The following UGT1A7 variants were observed in gnomAD, a reference collection of about 807,000 sequenced individuals.
UGT1A7 encodes UDP-glucuronosyltransferase 1A7.
A neutral mutation model predicts 45.6 loss-of-function variants in UGT1A7; 33 were observed. The ratio of observed to expected loss-of-function variants is 0.72; its 90% CI spans 0.55 to 0.97. The LOEUF is 0.97. Among genes scored for constraint, UGT1A7 ranks in the 50% least tolerant of loss-of-function variants. The pLI is 0.00. For synonymous variants in UGT1A7, 274 were observed against 250.6 expected, an observed-to-expected ratio of 1.09 and a Z score of -0.88; for missense variants, 684 against 666.2, an observed-to-expected ratio of 1.03 and a Z score of -0.29.
chr2:233,742,421 C>T (rs114948883), intron 1 of UGT1A7, among the ~76,000 whole-genome samples: 5,160 of 152,060 alleles, frequency 0.034, 167 homozygotes, highest in African/African-American at 0.052. Context: ...ACACCTTAAG[C>T]GGTTTTCCTC....
chr2:233,765,231 A>G (rs1698784494), intron 1 of UGT1A7, among the ~76,000 whole-genome samples: 1 of 152,148 alleles, frequency 6.6e-6, no homozygotes, highest in African/African-American at 2.4e-5. Context: ...ACATAAAACC[A>G]TAGACTCAGT....
At chr2:233,733,369 T>G (rs13410335) in intron 1 of UGT1A7, among the ~76,000 whole-genome samples, 57,553 of 151,946 alleles carry the variant, frequency 0.38, 11,204 homozygotes, top group African/African-American at 0.46. Flanking sequence ...GTGAGAGAGG[T>G]CATCCTTGTT....
At chr2:233,701,926 T>G (rs1413982400) in intron 1 of UGT1A7, among the ~76,000 whole-genome samples, 2 of 151,800 alleles carry the variant, frequency 1.3e-5, no homozygotes, top group African/African-American at 4.8e-5. Flanking sequence ...AACATCACAA[T>G]TAAAAGAACT....
Position 233,691,390 on chromosome 2 carries a change from G to C in UGT1A7, c.855+8598G>C, listed in dbSNP as rs912355070. 19 of 985,468 alleles carry C rather than the reference G, an allele frequency of 1.9e-5. No homozygotes were observed. In the African/African-American group the frequency reaches 3.1e-4, roughly 16 times the overall value. 61.0% of individuals were successfully genotyped at this position (985,468 alleles called of 1,614,324 possible). A position where few individuals can be genotyped will look rare whatever the true frequency, so the allele number is the denominator to read the frequency against. ...GCATCCTGGTTATGTTCCCCATGGG[G>C]GCCAGCCCTGTCCTTGGAGTGGCCC... is the stretch of plus-strand genomic sequence containing the variant. On this transcript the variant is annotated intron_variant, in intron 1 of 4. Transcript: ENST00000373426.
chr2:233,738,762 C>G (rs1262299691), intron 1 of UGT1A7, among the ~76,000 whole-genome samples: 1 of 152,182 alleles, frequency 6.6e-6, no homozygotes, highest in Non-Finnish European at 1.5e-5. Flanking sequence ...AAGAAAAACC[C>G]ATTTTATGGG....
chr2:233,684,179 T>C (rs564811964), intron 1 of UGT1A7, among the ~76,000 whole-genome samples: 4 of 152,296 alleles, frequency 2.6e-5, no homozygotes, highest in African/African-American at 4.8e-5. Flanking sequence ...GGCAGATGTT[T>C]GGTGAAAGAG....
At chr2:233,713,913 A>T in intron 1 of UGT1A7, 1 of 1,612,556 alleles carries the variant, frequency 6.2e-7, no homozygotes, top group Non-Finnish European at 8.5e-7. Context: ...CTTTTTAAAA[A>T]ATGTATTTAC....
At chr2:233,695,268 G>C (rs1263481356) in intron 1 of UGT1A7, among the ~76,000 whole-genome samples, 1 of 151,854 alleles carries the variant, frequency 6.6e-6, no homozygotes, top group African/African-American at 2.4e-5. Flanking sequence ...TGGGACTATA[G>C]GCATGTGCCA....
chr2:233,748,554 C>G (rs1045487950), intron 1 of UGT1A7, among the ~76,000 whole-genome samples: 1 of 151,692 alleles, frequency 6.6e-6, no homozygotes, highest in African/African-American at 2.4e-5. Context: ...CCTAAGCACT[C>G]GCAGGAAGTA....
rs1699908035 is a variant in UGT1A7, at chr2:233,769,628, A to G, written c.1295+1189A>G. 6.2e-7 allele frequency: 1 copy of G among 1,611,940 alleles called. No individual in the cohort carries two copies. The highest frequency in any genetic ancestry group is 8.5e-7 in the Non-Finnish European group (1 of 1,179,468). Reference sequence around the variant, plus strand: ...GACACACCAGCTTGAGCAAGGGACAACAGGGGAGGACTGATGACTGACTTC... The same window carrying G: ...GACACACCAGCTTGAGCAAGGGACAGCAGGGGAGGACTGATGACTGACTTC... On this transcript the variant is annotated intron_variant, in intron 4 of 4. Transcript: ENST00000373426. This position sits in a 1 kb window ranked among gnomAD's most constrained non-coding sequence, Gnocchi z 4.4.
At chr2:233,707,880 G>A (rs2075992428) in intron 1 of UGT1A7, among the ~76,000 whole-genome samples, 1 of 152,146 alleles carries the variant, frequency 6.6e-6, no homozygotes, top group South Asian at 2.1e-4. Context: ...TGATTGCTAA[G>A]GCATTAGTTA....
At chr2:233,713,260 A>G (rs2076298929) in intron 1 of UGT1A7, 4 of 1,614,086 alleles carry the variant, frequency 2.5e-6, no homozygotes, top group Non-Finnish European at 2.5e-6. Flanking sequence ...GACGAATTTG[A>G]TCGCCTTTTG....
chr2:233,756,019 A>G (rs997763833), intron 1 of UGT1A7: 4 of 152,222 alleles, frequency 2.6e-5, no homozygotes, highest in Admixed American at 2.0e-4. Flanking sequence ...GTGATATTAC[A>G]CATCCCCCAT....
chr2:233,768,549 A>C, intron 4 of UGT1A7, 110 bp downstream of exon 4: 1 of 1,483,956 alleles, frequency 6.7e-7, no homozygotes, highest in Non-Finnish European at 8.9e-7. Flanking sequence ...AAATATAAAA[A>C]CAAATACATA....
chr2:233,724,133 G>C (rs1298685512), intron 1 of UGT1A7, among the ~76,000 whole-genome samples: 1 of 34,684 alleles, frequency 2.9e-5, no homozygotes, highest in East Asian at 6.1e-4. Flanking sequence ...CTCACCTCCC[G>C]GACGGGGCGG....
intron 1 of UGT1A7, among the ~76,000 whole-genome samples, chr2:233,724,625 A>C: frequency 7.3e-6 from 1 of 136,298 alleles, no homozygotes; most frequent in Non-Finnish European, 1.6e-5. Flanking sequence ...GACGCTCCTC[A>C]CTTCCTAGAT....
intron 1 of UGT1A7, among the ~76,000 whole-genome samples, chr2:233,749,524 A>C (rs1694211122): frequency 6.6e-6 from 1 of 151,812 alleles, no homozygotes; most frequent in Non-Finnish European, 1.5e-5. Flanking sequence ...AGCAAGGCTA[A>C]TTTTCGAGTG....
At chr2:233,705,566 A>C (rs968273952) in intron 1 of UGT1A7, among the ~76,000 whole-genome samples, 1 of 152,172 alleles carries the variant, frequency 6.6e-6, no homozygotes, top group Non-Finnish European at 1.5e-5. Context: ...GCTTGTGGCA[A>C]GGGATAGAAA....
chr2:233,761,293 G>A, intron 1 of UGT1A7: 1 of 1,522,614 alleles, frequency 6.6e-7, no homozygotes, highest in African/African-American at 1.4e-5. Context: ...TTGACTCCTA[G>A]GTTTGAGTCT....
Sources: allele counts gnomAD v4.1 joint callset (sites outside exome capture counted in the v4.1 genomes callset), GRCh38; gene constraint gnomAD v4.1.1; non-coding constraint Gnocchi (gnomAD v3.1); transcripts MANE v1.5; gene names NCBI Gene and HGNC (gene_info 2026-07-23, HGNC 2026-07-21).